Variants in PRICKLE1 observed in about 807,000 individuals in gnomAD.
PRICKLE1 encodes the protein prickle-like protein 1.
Under a neutral mutation model 70.2 loss-of-function variants are expected in PRICKLE1, and 14 were observed. The observed-to-expected ratio is 0.20, with a 90% confidence interval of 0.13 to 0.31. PRICKLE1 has a LOEUF of 0.31. Among genes scored for constraint, PRICKLE1 ranks in the 10% least tolerant of loss-of-function variants. The probability of loss-of-function intolerance (pLI) is 1.00; values close to 1 mark genes in which losing one functional copy is unlikely to be tolerated. For synonymous variants in PRICKLE1, 357 were observed against 379.9 expected, an observed-to-expected ratio of 0.94 and a Z score of 0.70; for missense variants, 821 against 1,026.2, an observed-to-expected ratio of 0.80 and a Z score of 2.73.
At chr12:42,495,590 C>CT (rs199502443) in intron 1 of PRICKLE1, among the ~76,000 whole-genome samples, 114 of 144,836 alleles carry the variant, frequency 7.9e-4, no homozygotes, top group East Asian at 8.0e-4. Context: ...ATTGAAGTTT[C>CT]TTTTTTTTTT....
intron 1 of PRICKLE1, among the ~76,000 whole-genome samples, chr12:42,579,842 T>C (rs1327015630): frequency 1.7e-5 from 2 of 114,428 alleles, no homozygotes; most frequent in African/African-American, 5.4e-5. Flanking sequence ...TATGTCTTCT[T>C]TATTATTATT....
intron 1 of PRICKLE1, among the ~76,000 whole-genome samples, chr12:42,549,341 G>A (rs1308662378): frequency 6.6e-6 from 1 of 152,100 alleles, no homozygotes; most frequent in African/African-American, 2.4e-5. Context: ...GAATTCGCAT[G>A]ACTACAACAT....
At chr12:42,553,313 G>A (rs1163655148) in intron 1 of PRICKLE1, among the ~76,000 whole-genome samples, 1 of 151,790 alleles carries the variant, frequency 6.6e-6, no homozygotes, top group Non-Finnish European at 1.5e-5. Flanking sequence ...GCGTGGTAGC[G>A]GGCACCTGTA....
chr12:42,461,072 G>T (rs1410822508), intron 7 of PRICKLE1, among the ~76,000 whole-genome samples: 4 of 152,054 alleles, frequency 2.6e-5, no homozygotes, highest in Non-Finnish European at 5.9e-5. Flanking sequence ...GTAAAGACGG[G>T]GTTTCTCCAT....
chr12:42,503,222 C>CT (rs2140184432), intron 1 of PRICKLE1, among the ~76,000 whole-genome samples: 1 of 152,306 alleles, frequency 6.6e-6, no homozygotes, highest in African/African-American at 2.4e-5. Flanking sequence ...CAATCTATAT[C>CT]TGGGCTCCTG....
chr12:42,482,552 C>G (rs1034622774), intron 1 of PRICKLE1, among the ~76,000 whole-genome samples: 12 of 152,214 alleles, frequency 7.9e-5, no homozygotes, highest in African/African-American at 2.7e-4. Context: ...TCAGGTTTCG[C>G]CCCGTCACCT....
At chr12:42,501,306 C>T (rs1275953414) in intron 1 of PRICKLE1, among the ~76,000 whole-genome samples, 4 of 151,914 alleles carry the variant, frequency 2.6e-5, no homozygotes. Flanking sequence ...AGATTGAGAC[C>T]ATCCTGGCCA....
At chr12:42,545,115 T>C (rs895132861) in intron 1 of PRICKLE1, among the ~76,000 whole-genome samples, 1 of 152,172 alleles carries the variant, frequency 6.6e-6, no homozygotes. Context: ...GTGATCCTCC[T>C]GCTTCAGCCT....
intron 1 of PRICKLE1, among the ~76,000 whole-genome samples, chr12:42,485,975 A>G (rs1331185060): frequency 6.6e-6 from 1 of 152,214 alleles, no homozygotes; most frequent in East Asian, 1.9e-4. Flanking sequence ...GTCTGGTCTG[A>G]AAGGGGTTGT....
intron 1 of PRICKLE1, among the ~76,000 whole-genome samples, chr12:42,525,482 G>T (rs1939785326): frequency 6.6e-6 from 1 of 152,212 alleles, no homozygotes; most frequent in South Asian, 2.1e-4. Context: ...AGTGGGGAAA[G>T]AAGTCCTGTG....
At chr12:42,517,080 G>A (rs1939623985) in intron 1 of PRICKLE1, among the ~76,000 whole-genome samples, 2 of 152,128 alleles carry the variant, frequency 1.3e-5, no homozygotes, top group Admixed American at 1.3e-4. Context: ...AACTCAGATT[G>A]CTTCTCAACT....
At chr12:42,537,721 C>T (rs1940038955) in intron 1 of PRICKLE1, among the ~76,000 whole-genome samples, 1 of 152,196 alleles carries the variant, frequency 6.6e-6, no homozygotes, top group South Asian at 2.1e-4. Context: ...GCAAACTACG[C>T]TCTCCTCCTT....
chr12:42,583,900 A>G (rs1940944222), intron 1 of PRICKLE1, among the ~76,000 whole-genome samples: 1 of 152,178 alleles, frequency 6.6e-6, no homozygotes. Context: ...AGGTGGGCCA[A>G]AATTGTCCTG....
intron 1 of PRICKLE1, among the ~76,000 whole-genome samples, chr12:42,570,536 G>A (rs889589519): frequency 3.9e-5 from 6 of 152,164 alleles, no homozygotes; most frequent in Non-Finnish European, 5.9e-5. Flanking sequence ...AAAAATTCCT[G>A]GGCTGGGCAC....
chr12:42,512,973 T>C (rs1196786790), intron 1 of PRICKLE1, among the ~76,000 whole-genome samples: 1 of 151,520 alleles, frequency 6.6e-6, no homozygotes, highest in Non-Finnish European at 1.5e-5. Context: ...ATTATTATTA[T>C]TGTTATTTTT....
At chr12:42,553,318 C>G (rs1451730647) in intron 1 of PRICKLE1, among the ~76,000 whole-genome samples, 1 of 151,996 alleles carries the variant, frequency 6.6e-6, no homozygotes, top group Non-Finnish European at 1.5e-5. Flanking sequence ...GTAGCGGGCA[C>G]CTGTAGTCCC....
chr12:42,499,837 C>T (rs1370438589), intron 1 of PRICKLE1, among the ~76,000 whole-genome samples: 8 of 152,140 alleles, frequency 5.3e-5, no homozygotes, highest in African/African-American at 1.2e-4. Flanking sequence ...AAGCGATTCT[C>T]CTGCCTCAGT....
intron 1 of PRICKLE1, among the ~76,000 whole-genome samples, chr12:42,532,114 A>C (rs2120550319): frequency 6.6e-6 from 1 of 152,358 alleles, no homozygotes. Context: ...GCAGTGAGCC[A>C]TAACTGTGCC....
At chr12:42,470,432 T>C in intron 2 of PRICKLE1, 73 bp from the exon 3 acceptor site, 5 of 1,042,468 alleles carry the variant, frequency 4.8e-6, no homozygotes, top group Non-Finnish European at 6.0e-6. Flanking sequence ...CTTTAAAAGT[T>C]ACCTTTCCCT....
Sources: allele counts gnomAD v4.1 joint callset (sites outside exome capture counted in the v4.1 genomes callset), GRCh38; gene constraint gnomAD v4.1.1; transcripts MANE v1.5; gene names NCBI Gene and HGNC (gene_info 2026-07-23, HGNC 2026-07-21).